Variants in LRP1B observed in about 807,000 individuals in gnomAD.
LRP1B encodes the protein LDL receptor related protein 1B, also known as low-density lipoprotein receptor-related protein 1B.
Under a neutral mutation model 556.6 loss-of-function variants are expected in LRP1B, and 217 were observed. The observed-to-expected ratio is 0.39, with a 90% CI of 0.35 to 0.44. The LOEUF is 0.44. LRP1B is among the 20% of genes least tolerant of loss of function. The probability of loss-of-function intolerance (pLI) is 1.00; values close to 1 mark genes in which losing one functional copy is unlikely to be tolerated. For missense variants in LRP1B, 5,053 were observed against 5,620.8 expected (o/e 0.90, Z 3.23); for synonymous variants, 2,047 against 1,865.8 (o/e 1.10, Z -2.50).
At chr2:141,312,561 A>G (rs1686852823) in intron 3 of LRP1B, among the ~76,000 whole-genome samples, 1 of 152,186 alleles carries the variant, frequency 6.6e-6, no homozygotes, top group Admixed American at 6.5e-5. Context: ...ACGGTACTTA[A>G]GTGGTTGTGA....
chr2:141,178,040 G>A (rs546670128), intron 7 of LRP1B, among the ~76,000 whole-genome samples: 29 of 152,112 alleles, frequency 1.9e-4, no homozygotes, highest in Non-Finnish European at 3.8e-4. Flanking sequence ...GTATGTAGAA[G>A]TAATGGGAAA....
At chr2:141,418,432 A>ATTT (rs373970330) in intron 3 of LRP1B, among the ~76,000 whole-genome samples, 7,122 of 140,848 alleles carry the variant, frequency 0.051, 290 homozygotes, top group South Asian at 0.13. Context: ...AGAGCACAAT[A>ATTT]TTTTTTTTTT....
At chr2:141,089,651 G>A (rs1351643416) in intron 7 of LRP1B, among the ~76,000 whole-genome samples, 1 of 152,122 alleles carries the variant, frequency 6.6e-6, no homozygotes, top group Non-Finnish European at 1.5e-5. Flanking sequence ...GGAAACTTTA[G>A]GAATCTGGGT....
chr2:141,862,113 TGACTC>T (rs942040194), intron 1 of LRP1B, among the ~76,000 whole-genome samples: 1 of 152,176 alleles, frequency 6.6e-6, no homozygotes, highest in African/African-American at 2.4e-5. Flanking sequence ...CCTTTTATAA[TGACTC>T]TAATTTAATA....
intron 47 of LRP1B, among the ~76,000 whole-genome samples, chr2:140,528,428 G>A (rs1316751412): frequency 6.6e-6 from 1 of 151,726 alleles, no homozygotes; most frequent in Non-Finnish European, 1.5e-5. Flanking sequence ...ATAAGCATAA[G>A]GAAATAGATA....
At chr2:141,327,929 T>TGCA (rs1384748386) in intron 3 of LRP1B, among the ~76,000 whole-genome samples, 1 of 152,062 alleles carries the variant, frequency 6.6e-6, no homozygotes, top group Admixed American at 6.6e-5. Flanking sequence ...TATATAGGTG[T>TGCA]GCACACATCT....
At chr2:140,911,204 C>A (rs147465206) in intron 21 of LRP1B, among the ~76,000 whole-genome samples, 1 of 151,696 alleles carries the variant, frequency 6.6e-6, no homozygotes, top group Non-Finnish European at 1.5e-5. Context: ...AGGGAGTTAG[C>A]TATTTATAAA....
chr2:141,064,162 A>G (rs547928218), intron 7 of LRP1B, among the ~76,000 whole-genome samples: 1 of 152,074 alleles, frequency 6.6e-6, no homozygotes, highest in East Asian at 1.9e-4. Flanking sequence ...ATGTTCACAG[A>G]CATCTAAAAC....
intron 3 of LRP1B, among the ~76,000 whole-genome samples, chr2:141,372,922 T>A (rs1169210507): frequency 6.6e-6 from 1 of 152,100 alleles, no homozygotes; most frequent in African/African-American, 2.4e-5. Context: ...TTTGGTTCGT[T>A]CTTGTTTTTT....
chr2:141,843,584 C>T (rs984980795), intron 1 of LRP1B, among the ~76,000 whole-genome samples: 2 of 152,092 alleles, frequency 1.3e-5, no homozygotes, highest in Non-Finnish European at 2.9e-5. Context: ...CAGATAAAAA[C>T]GTATGCCTAG....
intron 20 of LRP1B, among the ~76,000 whole-genome samples, chr2:140,945,777 G>C (rs932960131): frequency 2.0e-5 from 3 of 152,084 alleles, no homozygotes; most frequent in South Asian, 2.1e-4. Flanking sequence ...AACCTAGGAA[G>C]TACTCTTCTA....
At chr2:142,098,216 T>C (rs969054268) in intron 1 of LRP1B, among the ~76,000 whole-genome samples, 22 of 151,762 alleles carry the variant, frequency 1.4e-4, no homozygotes, top group African/African-American at 4.8e-4. Flanking sequence ...CCAGAAAATA[T>C]GTTTTCAACA....
At position 141,810,312 on chromosome 2, in the gene LRP1B, A is replaced by C. The variant is rs146815909; in HGVS notation, c.172T>G (p.Cys58Gly). ...QSWLCDGDPD[C>G]PDDSDESLDT... Reference sequence around the variant, plus strand: ...AAAGACTCGTCTGAATCATCAGGGCAGTCAGGGTCCCCATCACACAGCCAG... The same window carrying C: ...AAAGACTCGTCTGAATCATCAGGGCCGTCAGGGTCCCCATCACACAGCCAG... Residue 58 changes from cysteine (C) to glycine (G), a missense_variant, in exon 2 of 91, where the codon TGC becomes GGC. This residue lies in a region of LRP1B where 3,619 missense variants were observed against 3,931.9 expected (regional missense o/e 0.92). Coordinates refer to ENST00000389484, the MANE Select transcript of LRP1B (RefSeq NM_018557.3). 3 of 1,613,142 alleles carry C rather than the reference A, an allele frequency of 1.9e-6. No homozygotes were observed. The African/African-American group carries it at 4.0e-5, about 22-fold the overall frequency.
At chr2:141,772,062 T>C (rs1253673047) in intron 2 of LRP1B, among the ~76,000 whole-genome samples, 1 of 152,022 alleles carries the variant, frequency 6.6e-6, no homozygotes, top group Non-Finnish European at 1.5e-5. Context: ...GTGATCCACC[T>C]GACTGGGACT....
intron 41 of LRP1B, among the ~76,000 whole-genome samples, chr2:140,604,708 G>A (rs906091751): frequency 6.6e-6 from 1 of 152,112 alleles, no homozygotes; most frequent in African/African-American, 2.4e-5. Context: ...AAGTGGTTTG[G>A]ATGGGTCCTC....
intron 60 of LRP1B, among the ~76,000 whole-genome samples, chr2:140,460,781 G>A (rs1380507754): frequency 6.6e-6 from 1 of 152,056 alleles, no homozygotes; most frequent in African/African-American, 2.4e-5. Flanking sequence ...GTATTGTACT[G>A]TTTCCAGAAT....
intron 7 of LRP1B, among the ~76,000 whole-genome samples, chr2:141,139,696 C>T (rs528661626): frequency 9.9e-5 from 15 of 151,292 alleles, no homozygotes; most frequent in Non-Finnish European, 1.9e-4. Context: ...ACCGACTAGA[C>T]CAAGTGTTGG....
At chr2:140,747,946 G>T (rs959020431) in intron 35 of LRP1B, among the ~76,000 whole-genome samples, 3 of 151,240 alleles carry the variant, frequency 2.0e-5, no homozygotes, top group Non-Finnish European at 4.4e-5. Flanking sequence ...TTTTCAGGAC[G>T]TAGGGCGGGT....
intron 1 of LRP1B, among the ~76,000 whole-genome samples, chr2:142,130,217 A>C (rs1297480124): frequency 6.6e-6 from 1 of 152,208 alleles, no homozygotes; most frequent in Non-Finnish European, 1.5e-5. Flanking sequence ...CAGGTAAGGA[A>C]GTTAACCTGG....
Sources: gnomAD v4.1 joint callset for allele counts (sites outside exome capture counted in the v4.1 genomes callset) on GRCh38, gnomAD v4.1.1 for gene constraint, gnomAD v4.1.1 regional missense constraint, MANE v1.5 for transcripts, NCBI Gene and HGNC (gene_info 2026-07-23, HGNC 2026-07-21) for gene names.